SUMF1: variants seen among roughly 807,000 people sequenced by gnomAD.
SUMF1 encodes the protein formylglycine-generating enzyme.
Under a neutral mutation model 47.6 loss-of-function variants are expected in SUMF1, and 48 were observed. That is an observed-to-expected ratio of 1.01 (90% confidence interval 0.80 to 1.28). SUMF1 has a LOEUF of 1.28. SUMF1 is among the 50% of genes most tolerant of loss of function. The probability of loss-of-function intolerance (pLI) is 0.00; values close to 1 mark genes in which losing one functional copy is unlikely to be tolerated. For synonymous variants in SUMF1, 230 were observed against 192.1 expected (o/e 1.20, Z -1.63); for missense variants, 571 against 485.4 (o/e 1.18, Z -1.66).
chr3:4,381,809 C>T (rs184544427), intron 7 of SUMF1, among the ~76,000 whole-genome samples: 175 of 152,264 alleles, frequency 1.1e-3, no homozygotes, highest in South Asian at 3.9e-3. Flanking sequence ...CTTTGGGAGG[C>T]CAGTATGGGA....
chr3:4,320,596 C>T (rs1338529384), intron 8 of SUMF1, among the ~76,000 whole-genome samples: 2 of 152,212 alleles, frequency 1.3e-5, no homozygotes, highest in African/African-American at 4.8e-5. Context: ...AGGAGAGGAA[C>T]TGCATGGTGA....
chr3:4,185,305 C>T (rs941129747), intron 8 of SUMF1, among the ~76,000 whole-genome samples: 8 of 152,130 alleles, frequency 5.3e-5, no homozygotes, highest in African/African-American at 1.7e-4. Context: ...TTGGCCAGTA[C>T]ACCAAAATAA....
At chr3:4,316,317 T>C (rs764362864) in intron 8 of SUMF1, 5 of 1,231,050 alleles carry the variant, frequency 4.1e-6, no homozygotes, top group Non-Finnish European at 5.8e-6. Flanking sequence ...CAACAATGCA[T>C]TTGGCCCAGG....
At chr3:4,399,256 A>T (rs566969390) in intron 7 of SUMF1, among the ~76,000 whole-genome samples, 2 of 152,248 alleles carry the variant, frequency 1.3e-5, no homozygotes, top group South Asian at 4.2e-4. Flanking sequence ...TCAGGACTAT[A>T]TTATACAGGG....
intron 8 of SUMF1, among the ~76,000 whole-genome samples, chr3:4,256,356 G>A (rs1275749829): frequency 9.5e-6 from 1 of 104,924 alleles, no homozygotes; most frequent in Non-Finnish European, 2.1e-5. Flanking sequence ...CAACAAAATT[G>A]ATAGACCACT....
Position 4,362,006 on chromosome 3 carries a change from T to C in SUMF1, c.*138A>G. The C allele has an allele frequency of 1.3e-6, 1 of 777,050 alleles. No individual in the cohort carries two copies. The allele number at this position is 777,050 out of a possible 1,614,324, so 48.1% of individuals were successfully genotyped here. A position where few individuals can be genotyped will look rare whatever the true frequency, so the allele number is the denominator to read the frequency against. Reference sequence around the variant, plus strand: ...TCAGCAATTTGGTCTCACAAGGCGGTTCCTTTGGCCATTGGGCAGGTATGT... The same window carrying C: ...TCAGCAATTTGGTCTCACAAGGCGGCTCCTTTGGCCATTGGGCAGGTATGT... On this transcript the variant is annotated 3_prime_UTR_variant, in exon 9 of 9. Coordinates refer to ENST00000272902, the MANE Select transcript of SUMF1 (RefSeq NM_182760.4).
At chr3:4,288,259 A>G (rs1254689225) in intron 8 of SUMF1, among the ~76,000 whole-genome samples, 1 of 152,194 alleles carries the variant, frequency 6.6e-6, no homozygotes, top group African/African-American at 2.4e-5. Context: ...CTGACAAGGG[A>G]AAAAACTATG....
At chr3:4,440,903 T>C (rs1342943425) in intron 3 of SUMF1, among the ~76,000 whole-genome samples, 1 of 152,206 alleles carries the variant, frequency 6.6e-6, no homozygotes, top group African/African-American at 2.4e-5. Flanking sequence ...TGTCAAAGTT[T>C]TACGAGTCAT....
chr3:4,297,618 C>T (rs992700332), intron 8 of SUMF1, among the ~76,000 whole-genome samples: 2 of 140,118 alleles, frequency 1.4e-5, no homozygotes. Flanking sequence ...CCCAAGCTTG[C>T]CTGGAACTCC....
At chr3:4,375,472 A>G (rs1030666972) in intron 8 of SUMF1, among the ~76,000 whole-genome samples, 1 of 152,190 alleles carries the variant, frequency 6.6e-6, no homozygotes, top group African/African-American at 2.4e-5. Context: ...TATTTTATAT[A>G]GATCCCAGAT....
At chr3:4,036,024 T>A (rs144672447) in intron 9 of SUMF1, among the ~76,000 whole-genome samples, 4 of 152,202 alleles carry the variant, frequency 2.6e-5, no homozygotes, top group African/African-American at 9.6e-5. Context: ...TAATCTGATA[T>A]TTGTGAAAGG....
At chr3:4,107,379 C>T (rs1040953341) in intron 8 of SUMF1, among the ~76,000 whole-genome samples, 1 of 152,064 alleles carries the variant, frequency 6.6e-6, no homozygotes, top group Non-Finnish European at 1.5e-5. Flanking sequence ...ATTCACAACA[C>T]CCTAGAGAGG....
chr3:4,422,960 A>G (rs1701952181), intron 3 of SUMF1, among the ~76,000 whole-genome samples: 1 of 152,030 alleles, frequency 6.6e-6, no homozygotes, highest in African/African-American at 2.4e-5. Flanking sequence ...TGAGTCCCCA[A>G]AGTCCGTTGT....
intron 9 of SUMF1, among the ~76,000 whole-genome samples, chr3:4,048,051 G>C (rs1044722432): frequency 6.6e-6 from 1 of 152,102 alleles, no homozygotes; most frequent in Non-Finnish European, 1.5e-5. Flanking sequence ...CCTTTGATTA[G>C]GGTCTGTTTC....
At chr3:4,165,167 C>A (rs1694669559) in intron 8 of SUMF1, among the ~76,000 whole-genome samples, 1 of 152,116 alleles carries the variant, frequency 6.6e-6, no homozygotes, top group African/African-American at 2.4e-5. Flanking sequence ...TCTCAGGCTG[C>A]AGCTAAAGCC....
chr3:4,358,901 G>T (rs1005471205), downstream of SUMF1, among the ~76,000 whole-genome samples: 2 of 152,236 alleles, frequency 1.3e-5, no homozygotes, highest in Admixed American at 6.5e-5. Flanking sequence ...AGGCTGCAAA[G>T]GATCAACTGG....
intron 8 of SUMF1, among the ~76,000 whole-genome samples, chr3:4,230,396 C>G (rs1048482455): frequency 1.3e-5 from 2 of 152,062 alleles, no homozygotes; most frequent in African/African-American, 4.8e-5. Context: ...TCCTACAACC[C>G]ACCTTTCTGT....
chr3:4,147,531 A>G (rs959803273), intron 8 of SUMF1, among the ~76,000 whole-genome samples: 1 of 152,190 alleles, frequency 6.6e-6, no homozygotes, highest in Admixed American at 6.5e-5. Context: ...GATGCTTGGT[A>G]CCAGAGCCGA....
chr3:4,039,698 A>C (rs1056034052), intron 9 of SUMF1, among the ~76,000 whole-genome samples: 5 of 152,086 alleles, frequency 3.3e-5, no homozygotes, highest in Admixed American at 1.3e-4. Flanking sequence ...TTCTAAAAAC[A>C]ATAGGTCCTA....
Sources: allele counts gnomAD v4.1 joint callset (sites outside exome capture counted in the v4.1 genomes callset), GRCh38; gene constraint gnomAD v4.1.1; transcripts MANE v1.5; gene names NCBI Gene and HGNC (gene_info 2026-07-23, HGNC 2026-07-21).